The following ATPAF1 variants were observed in gnomAD, a reference collection of about 807,000 sequenced individuals.
The protein encoded by ATPAF1 is ATP synthase mitochondrial F1 complex assembly factor 1.
In ATPAF1, 26 loss-of-function variants were observed where a neutral mutation model predicts 43.9. That is an observed-to-expected ratio of 0.59 (90% confidence interval 0.43 to 0.82). ATPAF1 has a LOEUF of 0.82. Ranked by LOEUF, ATPAF1 falls within the 40% of genes least tolerant of loss-of-function variation. The pLI is 0.00. For missense variants in ATPAF1, 366 were observed against 435.0 expected, an observed-to-expected ratio of 0.84 and a Z score of 1.41; for synonymous variants, 157 against 168.0, an observed-to-expected ratio of 0.93 and a Z score of 0.50.
intron 2 of ATPAF1, chr1:46,663,896 C>G (rs1375623241): frequency 7.8e-7 from 1 of 1,283,756 alleles, no homozygotes; most frequent in Non-Finnish European, 1.0e-6. Flanking sequence ...GCTGGCCTCT[C>G]CTACACCAGT....
At chr1:46,644,736 A>G (rs1676008533) in intron 7 of ATPAF1, among the ~76,000 whole-genome samples, 1 of 4,126 alleles carries the variant, frequency 2.4e-4, no homozygotes, top group Non-Finnish European at 6.1e-3. Flanking sequence ...AAAGCAAACA[A>G]AATAACATTA....
In ATPAF1 at chr1:46,668,152, C is replaced by T. The variant is rs764515501; in HGVS notation, c.171G>A (p.Glu57=). The T allele has an allele frequency of 1.1e-5, 15 of 1,404,304 alleles. 1 individual carries two copies. The South Asian group carries it at 1.9e-4, about 17-fold the overall frequency. The allele number at this position is 1,404,304 out of a possible 1,614,324, so 87.0% of individuals were successfully genotyped here. A position where few individuals can be genotyped will look rare whatever the true frequency, so the allele number is the denominator to read the frequency against. ...CGACCCCGCTGCTGTCGGCGCCCCC[C>T]TCGGGCCGGCCCGAGCCGGGGCGCA... Residue 57 remains glutamate, a synonymous_variant, in exon 1 of 9, where the codon GAG becomes GAA. Transcript: ENST00000574428. The surrounding 1 kb of genome is among the most constrained non-coding windows in gnomAD (Gnocchi z 4.4).
chr1:46,636,318 C>T (rs1015474298), intron 8 of ATPAF1, among the ~76,000 whole-genome samples: 4 of 152,164 alleles, frequency 2.6e-5, no homozygotes, highest in African/African-American at 9.7e-5. Context: ...TACATGTTCA[C>T]ATTATTCCTC....
intron 2 of ATPAF1, among the ~76,000 whole-genome samples, chr1:46,661,720 C>A (rs1676390455): frequency 6.6e-6 from 1 of 151,714 alleles, no homozygotes; most frequent in Admixed American, 6.6e-5. Flanking sequence ...TGGTGGGGAA[C>A]CAATAACTCA....
chr1:46,661,677 A>G (rs1676389601), intron 2 of ATPAF1, among the ~76,000 whole-genome samples: 1 of 152,184 alleles, frequency 6.6e-6, no homozygotes, highest in Non-Finnish European at 1.5e-5. Context: ...TTTTTAAAAA[A>G]TGTATTATAA....
At chr1:46,642,583 C>T (rs1278408961) in intron 8 of ATPAF1, among the ~76,000 whole-genome samples, 5 of 152,114 alleles carry the variant, frequency 3.3e-5, no homozygotes, top group Non-Finnish European at 7.3e-5. Context: ...AAGAAAAACA[C>T]TATAAATGAT....
At chr1:46,655,503 GC>G (rs1676254126) in intron 4 of ATPAF1, among the ~76,000 whole-genome samples, 2 of 152,164 alleles carry the variant, frequency 1.3e-5, no homozygotes, top group South Asian at 4.2e-4. Flanking sequence ...AGGAAAAAAT[GC>G]CCATAGTCCT....
At chr1:46,651,089 G>A (rs1163092178) in intron 6 of ATPAF1, among the ~76,000 whole-genome samples, 1 of 151,910 alleles carries the variant, frequency 6.6e-6, no homozygotes, top group African/African-American at 2.4e-5. Context: ...ATGCTAGTGC[G>A]CTGCACCCAC....
chr1:46,637,410 G>A (rs1390017446), intron 8 of ATPAF1, among the ~76,000 whole-genome samples: 1 of 152,090 alleles, frequency 6.6e-6, no homozygotes, highest in Non-Finnish European at 1.5e-5. Flanking sequence ...TGACAGAGAT[G>A]GGGGTTAGAA....
chr1:46,647,042 C>A (rs1435963105), intron 6 of ATPAF1, among the ~76,000 whole-genome samples: 3 of 152,184 alleles, frequency 2.0e-5, no homozygotes, highest in African/African-American at 7.2e-5. Flanking sequence ...AAATGCTAGT[C>A]CACCGTGTGA....
downstream of ATPAF1, chr1:46,634,885 G>A (rs1351068740): frequency 3.9e-5 from 6 of 152,418 alleles, no homozygotes; most frequent in Admixed American, 1.3e-4. Context: ...ACATAACTCA[G>A]ATTTCATTAT....
At chr1:46,636,056 G>C (rs374404633) in intron 8 of ATPAF1, 86 bp from the exon 9 acceptor site, 1 of 1,454,570 alleles carries the variant, frequency 6.9e-7, no homozygotes, top group Non-Finnish European at 9.6e-7. Context: ...GGGGGCCCTC[G>C]CCCAGGAGTC....
chr1:46,653,126 A>C lies in ATPAF1; in HGVS notation c.541-498T>G, dbSNP rs1676202630. Among the ~76,000 whole-genome samples, 1 of 152,138 alleles carries C rather than the reference A, an allele frequency of 6.6e-6. No homozygotes were observed. The highest frequency in any genetic ancestry group is 2.1e-4 in the South Asian group (1 of 4,828). ...TTCCTCCTTAATCTTACACTTACTC[A>C]TGTAATCTCAATATATATTTGTGTG... On this transcript the variant is annotated intron_variant, in intron 5 of 8. Transcript: ENST00000574428. This position sits in a 1 kb window ranked among gnomAD's most constrained non-coding sequence, Gnocchi z 4.8.
intron 2 of ATPAF1, 32 bp downstream of exon 2, chr1:46,665,224 A>G: frequency 6.2e-7 from 1 of 1,607,386 alleles, no homozygotes; most frequent in Non-Finnish European, 8.5e-7. Context: ...GAGTGCTGGT[A>G]AGCAAACACC....
chr1:46,667,087 C>T (rs1354252539), intron 1 of ATPAF1, among the ~76,000 whole-genome samples: 1 of 152,156 alleles, frequency 6.6e-6, no homozygotes, highest in Non-Finnish European at 1.5e-5. Flanking sequence ...TCATTTACTG[C>T]ATAACTGTTT....
At chr1:46,660,472 A>G (rs1379430917) in intron 2 of ATPAF1, among the ~76,000 whole-genome samples, 1 of 152,238 alleles carries the variant, frequency 6.6e-6, no homozygotes, top group African/African-American at 2.4e-5. Flanking sequence ...AGCCCTAAGT[A>G]TAAGCGTATT....
chr1:46,654,019 C>A (rs1450887494), intron 4 of ATPAF1, 152 bp from the exon 5 acceptor site: 4 of 590,440 alleles, frequency 6.8e-6, no homozygotes, highest in Non-Finnish European at 1.2e-5. Flanking sequence ...TAGCACATCA[C>A]AAAAAAGATT....
chr1:46,640,077 C>T (rs1675923214), intron 8 of ATPAF1, among the ~76,000 whole-genome samples: 1 of 152,190 alleles, frequency 6.6e-6, no homozygotes, highest in Non-Finnish European at 1.5e-5. Flanking sequence ...CCAACTCCCA[C>T]AACCCATTAG....
intron 2 of ATPAF1, among the ~76,000 whole-genome samples, chr1:46,661,201 T>A (rs1009592694): frequency 1.3e-5 from 2 of 151,888 alleles, no homozygotes; most frequent in Non-Finnish European, 2.9e-5. Flanking sequence ...GCCTCCTGAG[T>A]AGCTGGGATT....
Sources: gnomAD v4.1 joint callset for allele counts (sites outside exome capture counted in the v4.1 genomes callset) on GRCh38, gnomAD v4.1.1 for gene constraint, Gnocchi (gnomAD v3.1) non-coding constraint, MANE v1.5 for transcripts, NCBI Gene and HGNC (gene_info 2026-07-23, HGNC 2026-07-21) for gene names.